The following AFG2A variants were observed in gnomAD, a reference collection of about 807,000 sequenced individuals.
AFG2A encodes AAA ATPase AFG2A, also known as ATPase family gene 2 protein homolog A.
At chr4:122,976,793 T>A in the AFG2A span, among the ~76,000 whole-genome samples, 1 of 152,216 alleles carries the variant, frequency 6.6e-6, no homozygotes, top group Non-Finnish European at 1.5e-5. Context: ...TTGAATGTAT[T>A]TACCAAAAGG....
At chr4:122,929,973 A>G in the AFG2A span, among the ~76,000 whole-genome samples, 2 of 152,154 alleles carry the variant, frequency 1.3e-5, no homozygotes, top group African/African-American at 4.8e-5. Context: ...ATTTTCATTG[A>G]TGCATATTTA....
chr4:123,178,413 A>T, the AFG2A span, among the ~76,000 whole-genome samples: 6 of 152,226 alleles, frequency 3.9e-5, no homozygotes, highest in Non-Finnish European at 8.8e-5. Context: ...TGTTTAAAAA[A>T]TTTTGTTTAA....
the AFG2A span, among the ~76,000 whole-genome samples, chr4:123,069,861 A>T: frequency 6.6e-6 from 1 of 152,220 alleles, no homozygotes; most frequent in African/African-American, 2.4e-5. Context: ...ATGTCTTAAC[A>T]ATCTCCTAGT....
chr4:123,158,602 G>A, the AFG2A span, among the ~76,000 whole-genome samples: 9 of 152,082 alleles, frequency 5.9e-5, no homozygotes, highest in East Asian at 1.9e-4. Flanking sequence ...AAAGAACTTC[G>A]GGTCAAGAAA....
chr4:123,078,050 G>A, the AFG2A span, among the ~76,000 whole-genome samples: 3 of 152,202 alleles, frequency 2.0e-5, no homozygotes, highest in Non-Finnish European at 4.4e-5. Context: ...ACAGAAGTGG[G>A]TTGGACGATT....
chr4:123,001,933 G>T, the AFG2A span, among the ~76,000 whole-genome samples: 6 of 152,144 alleles, frequency 3.9e-5, no homozygotes, highest in African/African-American at 1.4e-4. Flanking sequence ...TACTGTGTGG[G>T]TGTCTAAGTC....
chr4:123,316,467 CT>C, the AFG2A span: 1 of 152,118 alleles, frequency 6.6e-6, no homozygotes, highest in Non-Finnish European at 1.5e-5. Context: ...TAAATACAAC[CT>C]CAAAACTTTT....
the AFG2A span, among the ~76,000 whole-genome samples, chr4:122,978,684 G>A: frequency 2.6e-5 from 4 of 152,150 alleles, no homozygotes; most frequent in Non-Finnish European, 4.4e-5. Context: ...GCTGAGGGGC[G>A]CTTGCAGGAC....
At chr4:123,248,634 T>C in the AFG2A span, among the ~76,000 whole-genome samples, 1 of 152,198 alleles carries the variant, frequency 6.6e-6, no homozygotes, top group South Asian at 2.1e-4. Context: ...GAAAGGGTTA[T>C]GAATTGAGCA....
the AFG2A span, among the ~76,000 whole-genome samples, chr4:123,091,839 G>A: frequency 9.2e-5 from 14 of 152,296 alleles, no homozygotes; most frequent in African/African-American, 2.6e-4. Flanking sequence ...CTCTCAGAGC[G>A]TGAACCAGTT....
chr4:123,122,160 A>G, the AFG2A span, among the ~76,000 whole-genome samples: 2 of 152,204 alleles, frequency 1.3e-5, no homozygotes, highest in Admixed American at 1.3e-4. Context: ...TAATATTTAG[A>G]TAATCAGTTA....
the AFG2A span, among the ~76,000 whole-genome samples, chr4:123,253,098 G>C: frequency 8.5e-5 from 13 of 152,184 alleles, no homozygotes; most frequent in East Asian, 1.9e-4. Flanking sequence ...TCAGCACTTT[G>C]GGAGGCCAAG....
chr4:123,079,611 T>C, the AFG2A span, among the ~76,000 whole-genome samples: 1 of 152,090 alleles, frequency 6.6e-6, no homozygotes, highest in South Asian at 2.1e-4. Flanking sequence ...TAACATTTTT[T>C]TGTTGATGTG....
chr4:123,076,105 T>TA, the AFG2A span, among the ~76,000 whole-genome samples: 1 of 151,882 alleles, frequency 6.6e-6, no homozygotes, highest in African/African-American at 2.4e-5. Flanking sequence ...CCCATCTCTA[T>TA]AAAAAATTTA....
At chr4:123,269,064 CTT>C in the AFG2A span, among the ~76,000 whole-genome samples, 1 of 152,200 alleles carries the variant, frequency 6.6e-6, no homozygotes, top group African/African-American at 2.4e-5. Context: ...CTTTTCACCT[CTT>C]TATTCCAATC....
At chr4:123,051,932 A>G in the AFG2A span, among the ~76,000 whole-genome samples, 2 of 151,924 alleles carry the variant, frequency 1.3e-5, no homozygotes, top group African/African-American at 4.8e-5. Flanking sequence ...TTGGAGAGGG[A>G]AAGTTGAGCC....
At chr4:123,241,505 C>T in the AFG2A span, among the ~76,000 whole-genome samples, 2 of 152,182 alleles carry the variant, frequency 1.3e-5, no homozygotes, top group African/African-American at 2.4e-5. Flanking sequence ...TGTAATCCAT[C>T]ACATAAACAG....
chr4:123,119,274 A>T, the AFG2A span, among the ~76,000 whole-genome samples: 20 of 152,134 alleles, frequency 1.3e-4, no homozygotes, highest in Non-Finnish European at 1.5e-5. Context: ...TCAACGTATT[A>T]AGTGTTTAGT....
the AFG2A span, among the ~76,000 whole-genome samples, chr4:122,950,721 CT>C: frequency 6.6e-6 from 1 of 152,198 alleles, no homozygotes; most frequent in Admixed American, 6.5e-5. Context: ...CTGGGTTATG[CT>C]CGTTGTAGCC....
Sources: gnomAD v4.1 joint callset for allele counts (sites outside exome capture counted in the v4.1 genomes callset) on GRCh38, gnomAD v4.1.1 for gene constraint, MANE v1.5 for transcripts, NCBI Gene and HGNC (gene_info 2026-07-23, HGNC 2026-07-21) for gene names.